NELL1: variants seen among roughly 807,000 people sequenced by gnomAD.
The protein encoded by NELL1 is protein kinase C-binding protein NELL1.
Under a neutral mutation model 107.4 loss-of-function variants are expected in NELL1, and 76 were observed. The observed-to-expected ratio is 0.71, with a 90% CI of 0.59 to 0.86. The LOEUF is 0.86. Among genes scored for constraint, NELL1 ranks in the 40% least tolerant of loss-of-function variants. The probability of loss-of-function intolerance (pLI) is 0.00; values close to 1 mark genes in which losing one functional copy is unlikely to be tolerated. For synonymous variants in NELL1, 353 were observed against 341.2 expected, an observed-to-expected ratio of 1.03 and a Z score of -0.38; for missense variants, 1,024 against 1,005.5, an observed-to-expected ratio of 1.02 and a Z score of -0.25.
At chr11:21,037,336 G>A (rs894394969) in intron 12 of NELL1, among the ~76,000 whole-genome samples, 2 of 151,870 alleles carry the variant, frequency 1.3e-5, no homozygotes, top group African/African-American at 2.4e-5. Flanking sequence ...GCTAACCTTG[G>A]GCCACTCTAT....
chr11:20,741,002 A>G (rs1855877554), intron 2 of NELL1, among the ~76,000 whole-genome samples: 1 of 151,984 alleles, frequency 6.6e-6, no homozygotes, highest in African/African-American at 2.4e-5. Context: ...AAGGGCTTCA[A>G]CCTGCTTTTT....
At chr11:20,792,007 G>C (rs577170631) in intron 3 of NELL1, among the ~76,000 whole-genome samples, 1 of 151,840 alleles carries the variant, frequency 6.6e-6, no homozygotes, top group Non-Finnish European at 1.5e-5. Context: ...TTATGGATTC[G>C]ATTTGATAGT....
At chr11:21,500,046 T>A (rs1371589782) in intron 15 of NELL1, among the ~76,000 whole-genome samples, 1 of 152,144 alleles carries the variant, frequency 6.6e-6, no homozygotes, top group East Asian at 1.9e-4. Context: ...TTAAGCTTTA[T>A]CTTTCTGGAG....
intron 15 of NELL1, among the ~76,000 whole-genome samples, chr11:21,426,686 A>T (rs1398979083): frequency 6.6e-6 from 1 of 152,214 alleles, no homozygotes; most frequent in Non-Finnish European, 1.5e-5. Context: ...CAAGTACAAC[A>T]TGGTCAAGAC....
chr11:21,277,823 C>T (rs1590797689), intron 14 of NELL1, among the ~76,000 whole-genome samples: 1 of 152,168 alleles, frequency 6.6e-6, no homozygotes, highest in African/African-American at 2.4e-5. Context: ...ACTGCGTGTT[C>T]TCAGTCATAG....
At chr11:21,152,570 C>T (rs1243610313) in intron 13 of NELL1, among the ~76,000 whole-genome samples, 2 of 152,096 alleles carry the variant, frequency 1.3e-5, no homozygotes, top group Non-Finnish European at 2.9e-5. Flanking sequence ...ATAATGTTGA[C>T]CTTGATGAAT....
intron 12 of NELL1, among the ~76,000 whole-genome samples, chr11:21,083,650 A>G (rs1854319798): frequency 6.6e-6 from 1 of 152,124 alleles, no homozygotes; most frequent in South Asian, 2.1e-4. Flanking sequence ...TAAAAAATAA[A>G]CTAGATCTGG....
chr11:21,053,705 C>T (rs1853550235), intron 12 of NELL1, among the ~76,000 whole-genome samples: 1 of 152,148 alleles, frequency 6.6e-6, no homozygotes, highest in African/African-American at 2.4e-5. Context: ...CCACAGTCTC[C>T]ATCAGTCAAA....
chr11:21,268,752 G>GA (rs1848682788), intron 14 of NELL1, among the ~76,000 whole-genome samples: 2 of 152,082 alleles, frequency 1.3e-5, no homozygotes, highest in African/African-American at 2.4e-5. Context: ...TGGTTATCAA[G>GA]AAAAAATGGC....
chr11:21,080,327 ATTAC>A (rs1854236203), intron 12 of NELL1, among the ~76,000 whole-genome samples: 1 of 152,084 alleles, frequency 6.6e-6, no homozygotes, highest in Admixed American at 6.6e-5. Context: ...TGTAGAAATA[ATTAC>A]TTTTCTTGTT....
chr11:21,534,552 C>G, intron 16 of NELL1, 38 bp downstream of exon 16: 2 of 1,609,114 alleles, frequency 1.2e-6, no homozygotes, highest in Non-Finnish European at 1.7e-6. Context: ...ACTGCTTGGA[C>G]CTTTGCAGGA....
At chr11:21,037,602 T>C (rs551579819) in intron 12 of NELL1, among the ~76,000 whole-genome samples, 14 of 152,294 alleles carry the variant, frequency 9.2e-5, no homozygotes, top group Non-Finnish European at 1.6e-4. Context: ...AAGGATTTAA[T>C]TTTCCATTTT....
intron 5 of NELL1, among the ~76,000 whole-genome samples, chr11:20,907,755 A>G (rs932935895): frequency 2.0e-5 from 3 of 152,198 alleles, no homozygotes; most frequent in Non-Finnish European, 2.9e-5. Flanking sequence ...AAAAGAAACT[A>G]TCATCAGAGT....
At position 21,370,967 on chromosome 11, in the gene NELL1, T is replaced by C. The variant is rs752337231; in HGVS notation, c.1645+19T>C. 2.6e-6 allele frequency: 4 copies of C among 1,566,056 alleles called. No individual in the cohort carries two copies. The highest frequency in any genetic ancestry group is 3.5e-6 in the Non-Finnish European group (4 of 1,140,532). ...GAGAAAGGTAATCTAGCTTGTTTTA[T>C]GGGGGATAGGGACAAAGATTGGTAG... On this transcript the variant is annotated intron_variant, in intron 15 of 19. Coordinates refer to ENST00000357134, the MANE Select transcript of NELL1 (RefSeq NM_006157.5).
chr11:21,201,455 G>A (rs1372019608), intron 13 of NELL1, among the ~76,000 whole-genome samples: 1 of 152,118 alleles, frequency 6.6e-6, no homozygotes, highest in Admixed American at 6.5e-5. Context: ...AGTAATGCTT[G>A]TGATTTTTGC....
intron 16 of NELL1, among the ~76,000 whole-genome samples, chr11:21,536,714 A>G (rs941206860): frequency 4.6e-5 from 7 of 151,218 alleles, no homozygotes; most frequent in Admixed American, 1.3e-4. Context: ...CAATAAAGAC[A>G]CTCACTCTCA....
intron 13 of NELL1, among the ~76,000 whole-genome samples, chr11:21,123,902 T>C (rs1419069038): frequency 6.6e-6 from 1 of 152,190 alleles, no homozygotes; most frequent in Non-Finnish European, 1.5e-5. Context: ...TATGTGTCAA[T>C]GGAAAAGTCT....
At chr11:21,556,450 A>G (rs1414110653) in intron 16 of NELL1, among the ~76,000 whole-genome samples, 3 of 152,042 alleles carry the variant, frequency 2.0e-5, no homozygotes, top group African/African-American at 7.2e-5. Context: ...TGAGGCAAGT[A>G]CTAATACAGT....
intron 2 of NELL1, among the ~76,000 whole-genome samples, chr11:20,742,751 CAT>C (rs1564889268): frequency 6.6e-6 from 1 of 152,136 alleles, no homozygotes; most frequent in East Asian, 1.9e-4. Context: ...CCTCCCATGA[CAT>C]GTGGGAATTA....
Sources: gnomAD v4.1 joint callset for allele counts (sites outside exome capture counted in the v4.1 genomes callset) on GRCh38, gnomAD v4.1.1 for gene constraint, MANE v1.5 for transcripts, NCBI Gene and HGNC (gene_info 2026-07-23, HGNC 2026-07-21) for gene names.